The following ENO3 variants were observed in gnomAD, a reference collection of about 807,000 sequenced individuals.
ENO3 encodes the protein beta-enolase.
A neutral mutation model predicts 47.7 loss-of-function variants in ENO3; 46 were observed. The observed-to-expected ratio is 0.96, with a 90% CI of 0.76 to 1.23. The LOEUF (loss-of-function observed/expected upper bound fraction) is 1.23, where lower values mean the gene tolerates loss of function less well. ENO3 is among the 50% of genes most tolerant of loss of function. The pLI is 0.00. For missense variants in ENO3, 575 were observed against 566.2 expected (o/e 1.02, Z -0.16); for synonymous variants, 223 against 225.9 (o/e 0.99, Z 0.11).
chr17:4,949,260 A>G (rs938068124), upstream of ENO3: 4 of 152,268 alleles, frequency 2.6e-5, no homozygotes, highest in African/African-American at 9.6e-5. Flanking sequence ...CACCGGGGCC[A>G]CTTCTGTCCC....
At chr17:4,949,583 T>C (rs1409091526), upstream of ENO3, among the ~76,000 whole-genome samples, 1 of 148,936 alleles carries the variant, frequency 6.7e-6, no homozygotes, top group Non-Finnish European at 1.5e-5. Flanking sequence ...TTCTTCGCAG[T>C]CAGATGTGCG....
At position 4,956,893 on chromosome 17, in the gene ENO3, C is replaced by T; in HGVS notation, c.1235+4C>T. ...CCAAATACAACCAACTCATGAGGTA[C>T]AGCGGGAACAGTGGGCCTGGGCATT... is the stretch of plus-strand genomic sequence containing the variant. On this transcript the variant is annotated splice_donor_region_variant and intron_variant, in intron 11 of 11. Transcript: ENST00000519602. 1.2e-6 allele frequency: 2 copies of T among 1,614,240 alleles called. No individual in the cohort carries two copies. Among genetic ancestry groups the T allele is most frequent in the Non-Finnish European group, 1.7e-6 (2 of 1,180,044 alleles).
intron 5 of ENO3, 126 bp downstream of exon 5, chr17:4,953,467 T>C: frequency 6.9e-7 from 1 of 1,447,216 alleles, no homozygotes; most frequent in Non-Finnish European, 9.7e-7. Context: ...TGGATGGATT[T>C]GTGTTCATTC....
At chr17:4,951,709 G>A in intron 1 of ENO3, 119 bp from the exon 2 acceptor site, 1 of 1,100,378 alleles carries the variant, frequency 9.1e-7, no homozygotes, top group Non-Finnish European at 1.4e-6. Flanking sequence ...CCTTTTTGTA[G>A]GGTATTTTTA....
intron 5 of ENO3, 72 bp downstream of exon 5, chr17:4,953,413 T>A: frequency 6.3e-7 from 1 of 1,594,674 alleles, no homozygotes; most frequent in Non-Finnish European, 8.6e-7. Flanking sequence ...GGGTGAGGCC[T>A]GATGGGTTAT....
chr17:4,953,356 A>G lies in ENO3; in HGVS notation c.310+15A>G, dbSNP rs1317234577. On this transcript the variant is annotated intron_variant, in intron 5 of 11. Transcript: ENST00000519602. ...CGAGAATAAGTGTGAGTGAAGGGCT[A>G]GCGGTGGGGAAGGGATGAGGTGTGG... is the stretch of plus-strand genomic sequence containing the variant. 6.2e-7 allele frequency: 1 copy of G among 1,614,200 alleles called. No individual in the cohort carries two copies. Among genetic ancestry groups the G allele is most frequent in the South Asian group, 1.1e-5 (1 of 91,084 alleles).
At position 4,955,477 on chromosome 17, in the gene ENO3, G is replaced by A. The variant is rs1266761542; in HGVS notation, c.738G>A (p.Val246=). Residue 246 remains valine, a synonymous_variant, in exon 8 of 12, where the codon GTG becomes GTA. Transcript: ENST00000519602. ...YPDKVVIGMD[V]AASEFYRNGK... is the part of the protein sequence containing the mutation. ...ACAAGGTGGTGATCGGCATGGATGT[G>A]GCAGCATCTGAGTTCTATCGCAATG... is the stretch of plus-strand genomic sequence containing the variant. The A allele has an allele frequency of 1.2e-6, 2 of 1,614,226 alleles. No individual in the cohort carries two copies. Among genetic ancestry groups the A allele is most frequent in the Admixed American group, 1.7e-5 (1 of 60,034 alleles).
intron 5 of ENO3, 24 bp from the exon 6 acceptor site, chr17:4,953,688 T>C: frequency 6.2e-7 from 1 of 1,614,226 alleles, no homozygotes; most frequent in Non-Finnish European, 8.5e-7. Flanking sequence ...CTCTCATCCT[T>C]TCTTCCCGCT....
chr17:4,952,404 C>G (rs1451111197), intron 2 of ENO3: 1 of 328,304 alleles, frequency 3.0e-6, no homozygotes, highest in African/African-American at 2.3e-5. Context: ...AGTGCAGTGG[C>G]GCGATCTAGG....
intron 2 of ENO3, 31 bp from the exon 3 acceptor site, chr17:4,952,764 C>G: frequency 6.3e-7 from 1 of 1,589,238 alleles, no homozygotes; most frequent in Non-Finnish European, 8.6e-7. Flanking sequence ...GCCCAGCCAT[C>G]CCTGTGATCT....
intron 7 of ENO3, 22 bp downstream of exon 7, chr17:4,955,319 G>A (rs998784853): frequency 6.2e-7 from 1 of 1,613,332 alleles, no homozygotes; most frequent in Non-Finnish European, 8.5e-7. Flanking sequence ...GCACCCTGGG[G>A]GGCAGACCCC....
intron 1 of ENO3, chr17:4,951,599 G>A (rs1487736937): frequency 9.3e-6 from 5 of 537,160 alleles, no homozygotes; most frequent in East Asian, 3.4e-5. Flanking sequence ...GGCATCCCAG[G>A]AGCTATAGAT....
chr17:4,955,637 C>T (rs372643524), intron 8 of ENO3, 33 bp downstream of exon 8: 40 of 1,613,334 alleles, frequency 2.5e-5, no homozygotes, highest in Non-Finnish European at 3.1e-5. Context: ...TGTTCCTGCC[C>T]GAATCCCGTG....
At chr17:4,950,949 C>A (rs569704822), upstream of ENO3, 154 of 859,310 alleles carry the variant, frequency 1.8e-4, 2 homozygotes, top group South Asian at 5.4e-3. Flanking sequence ...TAGTAGTTGA[C>A]CTTTGGTAAG....
intron 2 of ENO3, 85 bp from the exon 3 acceptor site, chr17:4,952,710 C>T: frequency 1.5e-6 from 2 of 1,333,884 alleles, no homozygotes; most frequent in Admixed American, 2.0e-5. Context: ...GATCCACCTG[C>T]CTAGGCCTCT....
intron 11 of ENO3, 39 bp downstream of exon 11, chr17:4,956,928 G>C: frequency 6.2e-7 from 1 of 1,614,236 alleles, no homozygotes; most frequent in Non-Finnish European, 8.5e-7. Flanking sequence ...TGGGGTGCTG[G>C]AGGCTGTTAG....
Position 4,955,517 on chromosome 17 carries a change from G to C in ENO3, c.778G>C (p.Asp260His). ...CTATCGCAATGGGAAGTACGATCTT[G>C]ACTTCAAGTCGCCTGATGATCCCGC... ...EFYRNGKYDL[D>H]FKSPDDPARH... Residue 260 changes from aspartate (D) to histidine (H), a missense_variant, in exon 8 of 12, where the codon GAC becomes CAC. Coordinates refer to ENST00000519602, the MANE Select transcript of ENO3 (RefSeq NM_053013.4). 1 of 1,614,216 alleles carries C rather than the reference G, an allele frequency of 6.2e-7. No homozygotes were observed. Among genetic ancestry groups the C allele is most frequent in the South Asian group, 1.1e-5 (1 of 91,062 alleles).
chr17:4,953,007 G>T (rs945185772), intron 3 of ENO3, 44 bp from the exon 4 acceptor site: 2 of 1,613,202 alleles, frequency 1.2e-6, no homozygotes, highest in African/African-American at 1.3e-5. Context: ...ACAGAAAGGG[G>T]CCCAGTTGAT....
Position 4,955,460 on chromosome 17 carries a change from G to T in ENO3, c.721G>T (p.Val241Leu). 1 of 1,614,216 alleles carries T rather than the reference G, an allele frequency of 6.2e-7. No homozygotes were observed. The change falls in exon 8 of 12, where the codon GTG becomes TTG. Residue 241 changes from valine (V) to leucine (L), a missense_variant. Val to Leu is a conservative substitution (Grantham distance 32). Coordinates refer to ENST00000519602, the MANE Select transcript of ENO3 (RefSeq NM_053013.4). ...GGCGGCTGGTTACCCAGACAAGGTG[G>T]TGATCGGCATGGATGTGGCAGCATC... ...IQAAGYPDKV[V>L]IGMDVAASEF...
Sources: gnomAD v4.1 joint callset for allele counts (sites outside exome capture counted in the v4.1 genomes callset) on GRCh38, gnomAD v4.1.1 for gene constraint, MANE v1.5 for transcripts, NCBI Gene and HGNC (gene_info 2026-07-23, HGNC 2026-07-21) for gene names.